Variants in RPS10 observed in about 807,000 individuals in gnomAD.
The protein encoded by RPS10 is ribosomal protein S10, also known as small ribosomal subunit protein eS10.
In RPS10, 2 loss-of-function variants were observed where a neutral mutation model predicts 22.6. The observed-to-expected ratio is 0.09, with a 90% CI of 0.04 to 0.28. RPS10 has a LOEUF of 0.28. Among genes scored for constraint, RPS10 ranks in the 10% least tolerant of loss-of-function variants. The pLI, the probability that RPS10 is intolerant of heterozygous loss-of-function variation, is 1.00. For missense variants in RPS10, 137 were observed against 222.2 expected, an observed-to-expected ratio of 0.62 and a Z score of 2.44; for synonymous variants, 70 against 75.9, an observed-to-expected ratio of 0.92 and a Z score of 0.40.
chr6:34,418,105 A>C, intron 5 of RPS10: 2 of 1,307,142 alleles, frequency 1.5e-6, no homozygotes, highest in South Asian at 1.5e-5. Context: ...TCCAGTGTTT[A>C]GTTCAATGTC....
At chr6:34,423,583 T>C (rs1021926735) in intron 3 of RPS10, among the ~76,000 whole-genome samples, 1 of 152,196 alleles carries the variant, frequency 6.6e-6, no homozygotes, top group Non-Finnish European at 1.5e-5. Context: ...AGACAACTTT[T>C]GCTAAAAAGA....
At chr6:34,424,940 C>A (rs1765902811) in intron 2 of RPS10, 100 bp from the exon 3 acceptor site, 2 of 1,606,910 alleles carry the variant, frequency 1.2e-6, no homozygotes, top group Non-Finnish European at 1.7e-6. Flanking sequence ...GCAAGCAGCC[C>A]CCGCAGTCCT....
intron 4 of RPS10, among the ~76,000 whole-genome samples, chr6:34,419,864 C>T (rs975821263): frequency 2.0e-5 from 3 of 152,148 alleles, no homozygotes; most frequent in Non-Finnish European, 4.4e-5. Flanking sequence ...AGGAGTGGGC[C>T]ACCGCGCCCG....
chr6:34,421,879 G>C, intron 3 of RPS10, 72 bp from the exon 4 acceptor site: 2 of 1,557,592 alleles, frequency 1.3e-6, no homozygotes, highest in Admixed American at 3.3e-5. Flanking sequence ...AAGAAAACTG[G>C]CATTGCTCTC....
rs1554164086 is a variant in RPS10, at chr6:34,424,140, T to TTAAAA, written c.322+528_322+529insTTTTA. 3.6e-3 allele frequency: 177 copies of TTAAAA among 49,170 alleles called. 2 individuals are homozygous for TTAAAA. The highest frequency in any genetic ancestry group is 4.6e-3 in the Non-Finnish European group (148 of 32,498). 3.0% of individuals were successfully genotyped at this position (49,170 alleles called of 1,614,324 possible). A position where few individuals can be genotyped will look rare whatever the true frequency, so the allele number is the denominator to read the frequency against. ...GCTGGGCAACAGAGCAAGACTCCGTTAAAAAAAAAAAAAAAAAAAAAAAAG... is the reference window on the plus strand; with the variant it reads ...GCTGGGCAACAGAGCAAGACTCCGTTTAAAAAAAAAAAAAAAAAAAAAAAAAAAAG... On this transcript the variant is annotated intron_variant, in intron 3 of 5. Transcript: ENST00000648437.
chr6:34,421,916 G>GT lies in RPS10; in HGVS notation c.323-110dup, dbSNP rs1235869116. The stretch of plus-strand genomic sequence containing the variant: ...TGTTGTCACTCTCAGCAACCACTTG[G>GT]TTAAGATGGGTTAATGGGGACAGGA... On this transcript the variant is annotated intron_variant, in intron 3 of 5. Coordinates refer to ENST00000648437, the MANE Select transcript of RPS10 (RefSeq NM_001014.5). 4 of 1,076,526 alleles carry GT rather than the reference G, an allele frequency of 3.7e-6. No individual in the cohort carries two copies. The South Asian group carries it at 3.7e-5, about 10-fold the overall frequency. The allele number at this position is 1,076,526 out of a possible 1,614,324, so 66.7% of individuals were successfully genotyped here.
At chr6:34,421,686 C>T in intron 4 of RPS10, 44 bp downstream of exon 4, 1 of 1,609,162 alleles carries the variant, frequency 6.2e-7, no homozygotes, top group South Asian at 1.1e-5. Context: ...AGAATCCAGA[C>T]ATTTCACCCC....
At chr6:34,420,378 A>G (rs181777054) in intron 4 of RPS10, among the ~76,000 whole-genome samples, 4 of 152,068 alleles carry the variant, frequency 2.6e-5, no homozygotes, top group Admixed American at 6.6e-5. Flanking sequence ...ACACACCATC[A>G]TGCCCAGCTA....
intron 4 of RPS10, among the ~76,000 whole-genome samples, chr6:34,420,521 A>G (rs1765726002): frequency 6.6e-6 from 1 of 152,034 alleles, no homozygotes; most frequent in Non-Finnish European, 1.5e-5. Flanking sequence ...CCTGGCCCAT[A>G]ATCGTTAAAC....
At chr6:34,423,591 A>C (rs931171284) in intron 3 of RPS10, among the ~76,000 whole-genome samples, 7 of 152,220 alleles carry the variant, frequency 4.6e-5, no homozygotes, top group African/African-American at 1.7e-4. Context: ...TTTGCTAAAA[A>C]GACGTATTAT....
intron 1 of RPS10, chr6:34,425,585 T>C (rs1175893929): frequency 6.0e-6 from 2 of 332,642 alleles, no homozygotes; most frequent in South Asian, 2.4e-5. Flanking sequence ...GGCTGTACCA[T>C]AAGGTACGCA....
intron 1 of RPS10, 22 bp from the exon 2 acceptor site, chr6:34,425,243 C>T (rs755466714): frequency 2.5e-6 from 4 of 1,593,738 alleles, no homozygotes; most frequent in South Asian, 1.1e-5. Context: ...AGACGATTGT[C>T]AAGAGCACTT....
chr6:34,423,450 A>AGCAGAAATAAATTAATCATGTAATGAGTG (rs1765837055), intron 3 of RPS10, among the ~76,000 whole-genome samples: 3 of 152,292 alleles, frequency 2.0e-5, no homozygotes, highest in Admixed American at 1.3e-4. Context: ...CTCCTTTTAG[A>AGCAGAAATAAATTAATCATGTAATGAGTG]GCAGAAATAA....
In RPS10 at chr6:34,425,101, G is replaced by T. The variant is rs1765910347; in HGVS notation, c.121C>A (p.Pro41Thr). 1 of 1,612,600 alleles carries T rather than the reference G, an allele frequency of 6.2e-7. No homozygotes were observed. The highest frequency in any genetic ancestry group is 8.5e-7 in the Non-Finnish European group (1 of 1,179,918). ...ATGGCCTTCATGACATGAAGGTTGG[G>T]CACATTCTTGTCTGCCAGCTCCGGG... ...KHPELADKNV[P>T]NLHVMKAMQS... The change falls in exon 2 of 6, where the codon CCC (proline) becomes ACC (threonine). Residue 41 changes from proline (P) to threonine (T), a missense_variant. Coordinates refer to ENST00000648437, the MANE Select transcript of RPS10 (RefSeq NM_001014.5).
intron 4 of RPS10, 75 bp from the exon 5 acceptor site, chr6:34,418,499 A>C: frequency 1.9e-6 from 3 of 1,607,544 alleles, no homozygotes; most frequent in Non-Finnish European, 2.6e-6. Flanking sequence ...CAACTCACTG[A>C]CTCCAATCTT....
chr6:34,417,699 G>A (rs1239879465), intron 5 of RPS10, 152 bp from the exon 6 acceptor site: 2 of 763,552 alleles, frequency 2.6e-6, no homozygotes, highest in Middle Eastern at 2.3e-4. Flanking sequence ...TCCCAGCACT[G>A]CCCCTTACTG....
At chr6:34,418,086 C>T (rs1272721598) in intron 5 of RPS10, 3 of 1,201,076 alleles carry the variant, frequency 2.5e-6, no homozygotes, top group South Asian at 3.2e-5. Context: ...TTCTTAAGCC[C>T]ACCCACCTTC....
chr6:34,423,870 C>T (rs1222199272), intron 3 of RPS10, among the ~76,000 whole-genome samples: 2 of 152,090 alleles, frequency 1.3e-5, no homozygotes, highest in Non-Finnish European at 2.9e-5. Context: ...CAGAGTGAGA[C>T]TCTGTCTCAA....
At position 34,419,109 on chromosome 6, in the gene RPS10, C is replaced by A. The variant is rs370846532; in HGVS notation, c.401-685G>T. ...TCTCGGCTCACTGCAACCTCCGCCT[C>A]CCAGGTTCAAGCGATTCTCCTGCCT... On this transcript the variant is annotated intron_variant, in intron 4 of 5. Transcript: ENST00000648437. Among the ~76,000 whole-genome samples, 13 of 152,004 alleles carry A rather than the reference C, an allele frequency of 8.6e-5. No individual in the cohort carries two copies. The East Asian group carries it at 1.9e-3, about 23-fold the overall frequency.
Sources: gnomAD v4.1 joint callset for allele counts (sites outside exome capture counted in the v4.1 genomes callset) on GRCh38, gnomAD v4.1.1 for gene constraint, MANE v1.5 for transcripts, NCBI Gene and HGNC (gene_info 2026-07-23, HGNC 2026-07-21) for gene names.